NCOA4: variants seen among roughly 807,000 people sequenced by gnomAD.
The protein encoded by NCOA4 is 70 kDa AR-activator.
A neutral mutation model predicts 69.5 loss-of-function variants in NCOA4; 31 were observed. That is an observed-to-expected ratio of 0.45 (90% CI 0.34 to 0.60). NCOA4 has a LOEUF of 0.60. Among genes scored for constraint, NCOA4 ranks in the 20% least tolerant of loss-of-function variants. The probability of loss-of-function intolerance (pLI) is 0.02; values close to 1 mark genes in which losing one functional copy is unlikely to be tolerated. For synonymous variants in NCOA4, 228 were observed against 252.4 expected, an observed-to-expected ratio of 0.90 and a Z score of 0.92; for missense variants, 600 against 719.2, an observed-to-expected ratio of 0.83 and a Z score of 1.90.
chr10:46,012,087 A>AAAAAAAAAAAAAAAAAAAG (rs1839258564), intron 7 of NCOA4, among the ~76,000 whole-genome samples: 1 of 138,900 alleles, frequency 7.2e-6, no homozygotes, highest in African/African-American at 3.1e-5. Flanking sequence ...AAAAAAAAAA[A>AAAAAAAAAAAAAAAAAAAG]AAAAAAAAAA....
At chr10:46,006,819 T>C (rs1554919910) in intron 9 of NCOA4, among the ~76,000 whole-genome samples, 6 of 152,212 alleles carry the variant, frequency 3.9e-5, no homozygotes, top group Non-Finnish European at 8.8e-5. Flanking sequence ...TCCCTATTTC[T>C]CTTCTCTCTC....
At chr10:46,009,042 A>G in intron 9 of NCOA4, 1 of 849,556 alleles carries the variant, frequency 1.2e-6, no homozygotes, top group Non-Finnish European at 1.9e-6. Flanking sequence ...CAACTTTTAT[A>G]TGCAATGGGA....
In NCOA4 at chr10:46,010,314, G is replaced by C; in HGVS notation, c.1607C>G (p.Thr536Arg). 1 of 1,614,214 alleles carries C rather than the reference G, an allele frequency of 6.2e-7. No homozygotes were observed. The highest frequency in any genetic ancestry group is 2.2e-5 in the East Asian group (1 of 44,886). ...PMNTSWCSFN[T>R]ADWVLPGKKM... ...CTTTCCTGGCAGGACCCAGTCAGCT[G>C]TGTTAAAGGAACACCAGGAAGTATT... The change falls in exon 8 of 10, where the codon ACA (threonine) becomes AGA (arginine). Residue 536 changes from threonine (T) to arginine (R), a missense_variant. Transcript: ENST00000581486.
At chr10:46,011,794 C>T (rs1839226103) in intron 7 of NCOA4, among the ~76,000 whole-genome samples, 2 of 151,700 alleles carry the variant, frequency 1.3e-5, no homozygotes, top group Admixed American at 6.6e-5. Flanking sequence ...TGGTTCACGC[C>T]TGTAATCCCA....
At chr10:46,027,470 G>A (rs1840226225) in intron 1 of NCOA4, 12 of 1,551,482 alleles carry the variant, frequency 7.7e-6, no homozygotes, top group Non-Finnish European at 1.0e-5. Flanking sequence ...CCCCATTCCA[G>A]CCTAGACCTC....
chr10:46,016,435 G>A (rs1317049508), intron 2 of NCOA4, 105 bp downstream of exon 2: 5 of 1,050,204 alleles, frequency 4.8e-6, no homozygotes, highest in Non-Finnish European at 6.4e-6. Flanking sequence ...CGCAAGGCAT[G>A]GGGTGAAATT....
At chr10:46,016,296 T>G (rs1196377015) in intron 2 of NCOA4, among the ~76,000 whole-genome samples, 1 of 53,938 alleles carries the variant, frequency 1.9e-5, no homozygotes, top group Non-Finnish European at 4.5e-5. Flanking sequence ...TAGTTAGTAA[T>G]CTAAGTAAGC....
chr10:46,015,834 C>A (rs1204632112), intron 2 of NCOA4, among the ~76,000 whole-genome samples: 2 of 152,090 alleles, frequency 1.3e-5, no homozygotes, highest in Admixed American at 6.5e-5. Flanking sequence ...AGCTAAAAGA[C>A]CATTAGGGTA....
chr10:46,011,090 A>C lies in NCOA4; in HGVS notation c.831T>G (p.Thr277=). The C allele has an allele frequency of 6.2e-7, 1 of 1,613,928 alleles. No homozygotes were observed. The highest frequency in any genetic ancestry group is 8.5e-7 in the Non-Finnish European group (1 of 1,179,850). The part of the protein sequence containing the change: ...SSYQKCNSHS[T]TSSFSIEMEK... ...CCATTTCAATGGAGAAAGAACTAGT[A>C]GTGGAATGGCTGTTACACTTTTGAT... The change falls in exon 8 of 10, where the codon ACT becomes ACG. Residue 277 remains threonine, a synonymous_variant. Coordinates refer to ENST00000581486, the MANE Select transcript of NCOA4 (RefSeq NM_001145263.2).
At chr10:46,017,759 A>T (rs1191549029) in intron 1 of NCOA4, among the ~76,000 whole-genome samples, 1 of 152,226 alleles carries the variant, frequency 6.6e-6, no homozygotes, top group East Asian at 1.9e-4. Context: ...GAAAGGAAAC[A>T]CAAATGGGAA....
At chr10:46,022,247 C>T (rs1401749379) in intron 1 of NCOA4, among the ~76,000 whole-genome samples, 3 of 152,114 alleles carry the variant, frequency 2.0e-5, no homozygotes, top group Non-Finnish European at 4.4e-5. Context: ...AAAGGCCAAG[C>T]GCAGCATCTA....
chr10:46,023,925 C>T (rs1408743033), intron 1 of NCOA4, among the ~76,000 whole-genome samples: 1 of 152,118 alleles, frequency 6.6e-6, no homozygotes, highest in Non-Finnish European at 1.5e-5. Flanking sequence ...ATTCTATTAC[C>T]TTTCAGTCGA....
intron 1 of NCOA4, among the ~76,000 whole-genome samples, chr10:46,021,695 C>G (rs1047352931): frequency 5.9e-5 from 9 of 152,232 alleles, no homozygotes; most frequent in Non-Finnish European, 7.3e-5. Context: ...CGCGGTGACT[C>G]ACGCCTGTAA....
intron 1 of NCOA4, chr10:46,022,367 T>C: frequency 2.2e-6 from 1 of 446,540 alleles, no homozygotes. Flanking sequence ...AAGCTTTTAG[T>C]TTAAAAAAAT....
At chr10:46,013,716 A>G in intron 5 of NCOA4, 77 bp from the exon 6 acceptor site, 1 of 1,011,654 alleles carries the variant, frequency 9.9e-7, no homozygotes, top group Non-Finnish European at 1.5e-6. Flanking sequence ...CCAAATTTCA[A>G]AAATGTTAAA....
chr10:46,007,178 T>C (rs572994261), intron 9 of NCOA4, among the ~76,000 whole-genome samples: 197 of 152,272 alleles, frequency 1.3e-3, no homozygotes, highest in African/African-American at 3.9e-3. Context: ...ATTTCTGATA[T>C]GGAGAAAGTT....
intron 1 of NCOA4, among the ~76,000 whole-genome samples, chr10:46,018,439 ACATTTAC>A (rs1324215171): frequency 6.6e-6 from 1 of 152,356 alleles, no homozygotes; most frequent in African/African-American, 2.4e-5. Flanking sequence ...CTATTTGACT[ACATTTAC>A]CAAAAGTATA....
chr10:46,011,281 T>A, intron 7 of NCOA4, 75 bp from the exon 8 acceptor site: 1 of 1,439,114 alleles, frequency 6.9e-7, no homozygotes, highest in Non-Finnish European at 9.4e-7. Flanking sequence ...GCACTTTTTC[T>A]TTTTTTGAGA....
chr10:46,015,126 C>T lies in NCOA4; in HGVS notation c.282G>A (p.Ser94=), dbSNP rs782663919. ...TLQQQAQQLY[S]LLGQFNCLTH... is the part of the protein sequence containing the mutation. ...AATTCTAGCCATGCAGTCACCTTAC[C>T]GAGTAGAGCTGCTGAGCCTGCTGTT... The change falls in exon 3 of 10, where the codon TCG becomes TCA. Residue 94 remains serine (S), a splice_region_variant and synonymous_variant. Coordinates refer to ENST00000581486, the MANE Select transcript of NCOA4 (RefSeq NM_001145263.2). The T allele has an allele frequency of 3.1e-6, 5 of 1,614,028 alleles. No homozygotes were observed. Among genetic ancestry groups the T allele is most frequent in the Admixed American group, 1.7e-5 (1 of 59,992 alleles).
Sources: gnomAD v4.1 joint callset for allele counts (sites outside exome capture counted in the v4.1 genomes callset) on GRCh38, gnomAD v4.1.1 for gene constraint, MANE v1.5 for transcripts, NCBI Gene and HGNC (gene_info 2026-07-23, HGNC 2026-07-21) for gene names.